ABCA12: variants seen among roughly 807,000 people sequenced by gnomAD.
ABCA12 encodes the protein glucosylceramide transporter ABCA12.
ABCA12 carries 156 observed loss-of-function variants against 293.5 expected under a neutral mutation model. The observed-to-expected ratio is 0.53, with a 90% CI of 0.47 to 0.61. The LOEUF (loss-of-function observed/expected upper bound fraction) is 0.61, where lower values mean the gene tolerates loss of function less well. Among genes scored for constraint, ABCA12 ranks in the 20% least tolerant of loss-of-function variants. ABCA12 has a pLI of 0.00. For missense variants in ABCA12, 2,797 were observed against 3,090.2 expected (o/e 0.91, Z 2.25); for synonymous variants, 1,063 against 1,108.0 (o/e 0.96, Z 0.81).
At chr2:214,986,809 T>G in intron 27 of ABCA12, 81 bp from the exon 28 acceptor site, 1 of 1,272,194 alleles carries the variant, frequency 7.9e-7, no homozygotes, top group Non-Finnish European at 1.1e-6. Flanking sequence ...TTATTAAAAA[T>G]TTAAGACTAT....
chr2:214,973,611 A>G (rs1386863443), intron 36 of ABCA12, among the ~76,000 whole-genome samples: 1 of 152,118 alleles, frequency 6.6e-6, no homozygotes, highest in African/African-American at 2.4e-5. Flanking sequence ...CAGTCTTGCT[A>G]TATTTCAAAT....
chr2:215,123,399 GATCT>G (rs1702849501), intron 1 of ABCA12, among the ~76,000 whole-genome samples: 1 of 152,026 alleles, frequency 6.6e-6, no homozygotes, highest in Admixed American at 6.6e-5. Flanking sequence ...TCAAACTCCT[GATCT>G]CAGGTGATCT....
intron 44 of ABCA12, 106 bp downstream of exon 44, chr2:214,953,748 C>A: frequency 7.0e-7 from 1 of 1,421,778 alleles, no homozygotes; most frequent in African/African-American, 1.4e-5. Flanking sequence ...TTGAGCCAAA[C>A]ATTTCCATAT....
chr2:215,071,316 T>C (rs773582192), intron 2 of ABCA12, among the ~76,000 whole-genome samples: 2 of 152,070 alleles, frequency 1.3e-5, no homozygotes, highest in South Asian at 4.2e-4. Flanking sequence ...ACAAGCTCCA[T>C]GACAATTCTG....
chr2:215,114,501 A>T (rs1702646416), intron 1 of ABCA12, among the ~76,000 whole-genome samples: 1 of 152,138 alleles, frequency 6.6e-6, no homozygotes, highest in South Asian at 2.1e-4. Flanking sequence ...CATATATCCA[A>T]TTGTGAGGCA....
chr2:214,938,722 G>A (rs1698301747), intron 50 of ABCA12, among the ~76,000 whole-genome samples: 1 of 151,068 alleles, frequency 6.6e-6, no homozygotes, highest in South Asian at 2.1e-4. Context: ...CCAGTAATGA[G>A]ATTTTCTTCA....
chr2:214,990,501 T>C (rs1019004984), intron 24 of ABCA12, among the ~76,000 whole-genome samples: 1 of 152,210 alleles, frequency 6.6e-6, no homozygotes, highest in Non-Finnish European at 1.5e-5. Flanking sequence ...GTATCACATA[T>C]CATGGTTTTG....
intron 1 of ABCA12, among the ~76,000 whole-genome samples, chr2:215,113,316 T>C (rs1442889965): frequency 6.6e-6 from 1 of 152,230 alleles, no homozygotes; most frequent in African/African-American, 2.4e-5. Context: ...TTCACAAAGT[T>C]CACTATAGAT....
chr2:214,988,376 T>C (rs1446553607), intron 26 of ABCA12, among the ~76,000 whole-genome samples: 2 of 152,192 alleles, frequency 1.3e-5, no homozygotes, highest in Non-Finnish European at 2.9e-5. Context: ...TTAGAACATT[T>C]CTATAACTCA....
At chr2:215,046,233 G>C (rs1701199504) in intron 6 of ABCA12, among the ~76,000 whole-genome samples, 1 of 151,702 alleles carries the variant, frequency 6.6e-6, no homozygotes, top group African/African-American at 2.4e-5. Context: ...CCAGAAATTG[G>C]CATAAAAGTT....
chr2:214,936,990 C>T (rs1444520272), intron 51 of ABCA12, among the ~76,000 whole-genome samples: 1 of 151,098 alleles, frequency 6.6e-6, no homozygotes, highest in Admixed American at 6.6e-5. Context: ...TAAGTAAGTA[C>T]AAAAATATAT....
At position 214,986,763 on chromosome 2, in the gene ABCA12, C is replaced by A. The variant is rs114692741; in HGVS notation, c.3977-35G>T. 2,919 of 1,587,128 alleles carry A rather than the reference C, an allele frequency of 1.8e-3. 4 individuals are homozygous for A. Among genetic ancestry groups the A allele is most frequent in the Non-Finnish European group, 2.3e-3 (2,654 of 1,155,638 alleles). On this transcript the variant is annotated intron_variant, in intron 27 of 52. Coordinates refer to ENST00000272895, the MANE Select transcript of ABCA12 (RefSeq NM_173076.3). ...AATCAAGGGAAGAGTTGTAAACTCA[C>A]AAGTAAGGTAATGCAGCTAGAGTTA... is the stretch of plus-strand genomic sequence containing the variant.
At chr2:215,102,879 C>T (rs986956890) in intron 2 of ABCA12, among the ~76,000 whole-genome samples, 3 of 152,174 alleles carry the variant, frequency 2.0e-5, no homozygotes, top group Non-Finnish European at 4.4e-5. Context: ...AAGTTGGTAA[C>T]CCCGATCCTG....
chr2:215,110,009 A>G (rs928928905), intron 2 of ABCA12, among the ~76,000 whole-genome samples: 2 of 152,238 alleles, frequency 1.3e-5, no homozygotes, highest in Non-Finnish European at 2.9e-5. Flanking sequence ...TAAGATATGT[A>G]GAAATATATA....
Position 214,958,355 on chromosome 2 carries a change from T to C in ABCA12, c.6039A>G (p.Gln2013=), listed in dbSNP as rs775919755. Residue 2013 remains glutamine, a synonymous_variant, in exon 41 of 53, where the codon CAA becomes CAG. Transcript: ENST00000272895. ...TGTGCTGCAACTGTTTGGCTTTGGT[T>C]TGATGTTCCCTTACAACATAGGTGA... is the stretch of plus-strand genomic sequence containing the variant. ...SFVTYVVREH[Q]TKAKQLQHIS... is the part of the protein sequence containing the mutation. 3 of 1,614,026 alleles carry C rather than the reference T, an allele frequency of 1.9e-6. No homozygotes were observed. Among genetic ancestry groups the C allele is most frequent in the Non-Finnish European group, 2.5e-6 (3 of 1,179,916 alleles).
intron 49 of ABCA12, among the ~76,000 whole-genome samples, chr2:214,944,731 T>G (rs750268756): frequency 6.6e-6 from 1 of 152,090 alleles, no homozygotes; most frequent in Non-Finnish European, 1.5e-5. Flanking sequence ...TTAGACTCCG[T>G]CCCACCACAG....
At chr2:214,961,771 C>T (rs1258751107) in intron 39 of ABCA12, 1 of 152,102 alleles carries the variant, frequency 6.6e-6, no homozygotes, top group Non-Finnish European at 1.5e-5. Context: ...GATCTAATGA[C>T]TATCAATCTT....
Position 214,950,384 on chromosome 2 carries a change from C to CTGTGTGTG in ABCA12, c.6852+487_6852+494dup, listed in dbSNP as rs61619476. Among the ~76,000 whole-genome samples the CTGTGTGTG allele has an allele frequency of 1.6e-3, 181 of 116,640 alleles. 1 individual carries two copies. Among genetic ancestry groups the CTGTGTGTG allele is most frequent in the South Asian group, 3.8e-3 (12 of 3,124 alleles). 76.5% of individuals were successfully genotyped at this position (116,640 alleles called of 152,430 possible). A position where few individuals can be genotyped will look rare whatever the true frequency, so the allele number is the denominator to read the frequency against. On this transcript the variant is annotated intron_variant, in intron 45 of 52. Coordinates refer to ENST00000272895, the MANE Select transcript of ABCA12 (RefSeq NM_173076.3). ...TATATATGTGTGTGTATATATATAT[C>CTGTGTGTG]TGTGTGTGTGTGTGTGTGTGTGTGT...
chr2:214,956,323 G>C (rs1406970774), intron 42 of ABCA12, among the ~76,000 whole-genome samples: 1 of 151,716 alleles, frequency 6.6e-6, no homozygotes, highest in African/African-American at 2.4e-5. Flanking sequence ...TACTCATATA[G>C]TCAATACATA....
Sources: allele counts gnomAD v4.1 joint callset (sites outside exome capture counted in the v4.1 genomes callset), GRCh38; gene constraint gnomAD v4.1.1; transcripts MANE v1.5; gene names NCBI Gene and HGNC (gene_info 2026-07-23, HGNC 2026-07-21).